Variants in UGT1A8 observed in about 807,000 individuals in gnomAD.
The protein encoded by UGT1A8 is UDP-glucuronosyltransferase 1A8.
UGT1A8 carries 39 observed loss-of-function variants against 45.3 expected under a neutral mutation model. The ratio of observed to expected loss-of-function variants is 0.86; its 90% CI spans 0.67 to 1.12. The LOEUF (loss-of-function observed/expected upper bound fraction) is 1.12. Ranked by LOEUF, UGT1A8 falls within the 50% of genes most tolerant of loss-of-function variation. The pLI, the probability that UGT1A8 is intolerant of heterozygous loss-of-function variation, is 0.00. For missense variants in UGT1A8, 719 were observed against 664.9 expected (o/e 1.08, Z -0.90); for synonymous variants, 275 against 249.2 (o/e 1.10, Z -0.97).
At chr2:233,760,370 G>A in intron 1 of UGT1A8, 1 of 1,614,148 alleles carries the variant, frequency 6.2e-7, no homozygotes, top group Non-Finnish European at 8.5e-7. Context: ...TCCCATGCTG[G>A]GAAGATACTG....
At chr2:233,636,529 C>T (rs1159828757) in intron 1 of UGT1A8, 7 of 1,611,762 alleles carry the variant, frequency 4.3e-6, no homozygotes, top group East Asian at 2.2e-5. Context: ...TCTCATGGCT[C>T]GCGCAGGGTG....
chr2:233,719,060 T>A (rs2076720439), intron 1 of UGT1A8: 2 of 1,614,258 alleles, frequency 1.2e-6, no homozygotes, highest in Middle Eastern at 1.6e-4. Flanking sequence ...TGACAGCCTA[T>A]GCTGTTCCAT....
At chr2:233,741,367 C>T (rs1691641318) in intron 1 of UGT1A8, among the ~76,000 whole-genome samples, 1 of 151,832 alleles carries the variant, frequency 6.6e-6, no homozygotes, top group Non-Finnish European at 1.5e-5. Context: ...CACAATGAAA[C>T]TGCCCATGCC....
rs1161745635 is a variant in UGT1A8 at position 233,692,874 on chromosome 2, A to G, written c.856-74160A>G. ...TTGGGTTCTTACATATCAAAGGGTA[A>G]AATTCAGAGCAAGGGAGAGGTAGAC... is the stretch of plus-strand genomic sequence containing the variant. On this transcript the variant is annotated intron_variant, in intron 1 of 4. Transcript: ENST00000373450. 4.0e-6 allele frequency: 6 copies of G among 1,492,460 alleles called. No individual in the cohort carries two copies. The African/African-American group carries it at 8.4e-5, about 21-fold the overall frequency. The allele number at this position is 1,492,460 out of a possible 1,614,324, so 92.5% of individuals were successfully genotyped here.
intron 2 of UGT1A8, 138 bp from the exon 3 acceptor site, chr2:233,767,711 C>A: frequency 2.6e-6 from 4 of 1,531,084 alleles, no homozygotes; most frequent in Non-Finnish European, 3.5e-6. Context: ...TCCTCAGAAG[C>A]CTTCACAGTT....
chr2:233,750,847 G>C (rs534611009), intron 1 of UGT1A8: 1 of 152,014 alleles, frequency 6.6e-6, no homozygotes, highest in African/African-American at 2.4e-5. Flanking sequence ...GGAAATGCTT[G>C]GATGTCCAGG....
rs1312767733 is a variant in UGT1A8, at chr2:233,718,748, A to C, written c.856-48286A>C. 2.5e-6 allele frequency: 4 copies of C among 1,612,148 alleles called. No homozygotes were observed. In the African/African-American group the frequency reaches 5.3e-5, roughly 22 times the overall value. ...TGCTAGGTGGCTCAATGACAAGGTA[A>C]TTAAGGCGAAGGAAACAAATGTAGC... is the stretch of plus-strand genomic sequence containing the variant. On this transcript the variant is annotated intron_variant, in intron 1 of 4. Coordinates refer to ENST00000373450, the MANE Select transcript of UGT1A8 (RefSeq NM_019076.5).
At chr2:233,761,712 C>G (rs1355356029) in intron 1 of UGT1A8, among the ~76,000 whole-genome samples, 1 of 152,230 alleles carries the variant, frequency 6.6e-6, no homozygotes, top group Non-Finnish European at 1.5e-5. Context: ...GTTTCATTCT[C>G]AAGCTATTAG....
At chr2:233,625,715 C>A (rs1336742796) in intron 1 of UGT1A8, among the ~76,000 whole-genome samples, 2 of 151,710 alleles carry the variant, frequency 1.3e-5, no homozygotes, top group Non-Finnish European at 2.9e-5. Flanking sequence ...CATGTGTTCT[C>A]ACTTAGAAGT....
chr2:233,650,240 G>A (rs1175907694), intron 1 of UGT1A8, among the ~76,000 whole-genome samples: 1 of 152,176 alleles, frequency 6.6e-6, no homozygotes, highest in Admixed American at 6.5e-5. Flanking sequence ...AAAGTGCTGG[G>A]ATTACAGGTG....
rs375974892 is a variant in UGT1A8 at position 233,760,864 on chromosome 2, G to A, written c.856-6170G>A. The A allele has an allele frequency of 8.0e-5, 129 of 1,613,862 alleles. No individual in the cohort carries two copies. Among genetic ancestry groups the A allele is most frequent in the Non-Finnish European group, 9.2e-5 (109 of 1,179,976 alleles). ...CCAGTGCCCCAACCCATTCTCCTAC[G>A]TGCCCAGGCCTCTCTCCTCTCATTC... is the stretch of plus-strand genomic sequence containing the variant. On this transcript the variant is annotated intron_variant, in intron 1 of 4. Coordinates refer to ENST00000373450, the MANE Select transcript of UGT1A8 (RefSeq NM_019076.5).
At chr2:233,770,387 C>CT (rs1226328342) in intron 4 of UGT1A8, 1 of 152,208 alleles carries the variant, frequency 6.6e-6, no homozygotes, top group Non-Finnish European at 1.5e-5. Flanking sequence ...GGTACGGTGG[C>CT]TCATGCCTGT....
chr2:233,697,942 A>G (rs539940045), intron 1 of UGT1A8, among the ~76,000 whole-genome samples: 1 of 152,382 alleles, frequency 6.6e-6, no homozygotes, highest in South Asian at 2.1e-4. Context: ...GGAAAAAAGT[A>G]AATGAAAGCT....
At chr2:233,705,068 G>A (rs546332987) in intron 1 of UGT1A8, among the ~76,000 whole-genome samples, 15 of 151,972 alleles carry the variant, frequency 9.9e-5, no homozygotes, top group Non-Finnish European at 1.8e-4. Flanking sequence ...CCCGGGAGGC[G>A]GAGGTTGCAG....
intron 1 of UGT1A8, among the ~76,000 whole-genome samples, chr2:233,667,181 G>A (rs766230554): frequency 7.2e-5 from 11 of 152,068 alleles, no homozygotes; most frequent in Non-Finnish European, 1.5e-4. Flanking sequence ...GGGATGGCTG[G>A]GTCAAATAGT....
At chr2:233,658,487 A>T (rs1279183604) in intron 1 of UGT1A8, among the ~76,000 whole-genome samples, 1 of 152,206 alleles carries the variant, frequency 6.6e-6, no homozygotes, top group Non-Finnish European at 1.5e-5. Context: ...AATGACATTT[A>T]GCCCATCACG....
intron 1 of UGT1A8, among the ~76,000 whole-genome samples, chr2:233,749,072 C>A (rs570371111): frequency 6.6e-6 from 1 of 151,796 alleles, no homozygotes; most frequent in East Asian, 1.9e-4. Flanking sequence ...GTTTCTTATT[C>A]CTTGGTGTGC....
intron 1 of UGT1A8, among the ~76,000 whole-genome samples, chr2:233,746,470 A>C (rs1310621579): frequency 6.6e-6 from 1 of 151,764 alleles, no homozygotes; most frequent in Non-Finnish European, 1.5e-5. Context: ...AGGGTTCCAG[A>C]AACACTTTCC....
At chr2:233,659,476 G>T (rs1013898851) in intron 1 of UGT1A8, among the ~76,000 whole-genome samples, 1 of 152,114 alleles carries the variant, frequency 6.6e-6, no homozygotes, top group Non-Finnish European at 1.5e-5. Flanking sequence ...AAATTTTAGG[G>T]TTGAGAAAAA....
Sources: gnomAD v4.1 joint callset for allele counts (sites outside exome capture counted in the v4.1 genomes callset) on GRCh38, gnomAD v4.1.1 for gene constraint, MANE v1.5 for transcripts, NCBI Gene and HGNC (gene_info 2026-07-23, HGNC 2026-07-21) for gene names.